SMAP1: variants seen among roughly 807,000 people sequenced by gnomAD.
SMAP1 encodes stromal membrane-associated protein 1.
In SMAP1, 24 loss-of-function variants were observed where a neutral mutation model predicts 58.5. The ratio of observed to expected loss-of-function variants is 0.41; its 90% confidence interval spans 0.30 to 0.58. The LOEUF (loss-of-function observed/expected upper bound fraction) is 0.58, where lower values mean the gene tolerates loss of function less well. Among genes scored for constraint, SMAP1 ranks in the 20% least tolerant of loss-of-function variants. The probability of loss-of-function intolerance (pLI) is 0.29; values close to 1 mark genes in which losing one functional copy is unlikely to be tolerated. For missense variants in SMAP1, 563 were observed against 566.3 expected (o/e 0.99, Z 0.06); for synonymous variants, 216 against 196.6 (o/e 1.10, Z -0.82).
intron 6 of SMAP1, among the ~76,000 whole-genome samples, chr6:70,826,233 A>G (rs1770109844): frequency 1.3e-5 from 2 of 152,202 alleles, no homozygotes; most frequent in South Asian, 4.1e-4. Context: ...TTTTAGAACC[A>G]TTTATAAAGC....
At chr6:70,739,243 A>AT (rs1166684204) in intron 2 of SMAP1, among the ~76,000 whole-genome samples, 1 of 152,140 alleles carries the variant, frequency 6.6e-6, no homozygotes, top group African/African-American at 2.4e-5. Flanking sequence ...TCATGACACT[A>AT]TTTTTTAAGT....
chr6:70,786,066 A>G (rs1443908628), intron 4 of SMAP1, among the ~76,000 whole-genome samples: 1 of 152,256 alleles, frequency 6.6e-6, no homozygotes, highest in Non-Finnish European at 1.5e-5. Flanking sequence ...AAATACTGGC[A>G]AACTGAATCC....
chr6:70,836,539 A>G (rs1267496181), intron 6 of SMAP1, among the ~76,000 whole-genome samples: 1 of 152,234 alleles, frequency 6.6e-6, no homozygotes, highest in Non-Finnish European at 1.5e-5. Context: ...AATTTCATAT[A>G]AAAGATGGGA....
At chr6:70,675,194 T>C (rs1315284539) in intron 1 of SMAP1, among the ~76,000 whole-genome samples, 2 of 122,950 alleles carry the variant, frequency 1.6e-5, no homozygotes, top group African/African-American at 3.1e-5. Context: ...ACAAATTATA[T>C]AGTGTTTTTT....
chr6:70,707,429 A>G (rs528532782), intron 1 of SMAP1, among the ~76,000 whole-genome samples: 1 of 152,258 alleles, frequency 6.6e-6, no homozygotes, highest in African/African-American at 2.4e-5. Flanking sequence ...CCTGAAAGCT[A>G]TTGAGAGCAT....
intron 6 of SMAP1, among the ~76,000 whole-genome samples, chr6:70,829,904 G>T (rs1197178506): frequency 2.6e-5 from 4 of 152,126 alleles, no homozygotes; most frequent in African/African-American, 9.7e-5. Flanking sequence ...TATTTAAAGG[G>T]CTAGGAAATG....
At chr6:70,687,456 T>C (rs1286854968) in intron 1 of SMAP1, among the ~76,000 whole-genome samples, 1 of 152,158 alleles carries the variant, frequency 6.6e-6, no homozygotes, top group East Asian at 1.9e-4. Flanking sequence ...TTTTTCTCAA[T>C]GTAGGGCATT....
At chr6:70,788,042 A>G (rs1366925115) in intron 4 of SMAP1, among the ~76,000 whole-genome samples, 2 of 152,138 alleles carry the variant, frequency 1.3e-5, no homozygotes, top group African/African-American at 4.8e-5. Context: ...AAAGACTTGG[A>G]ACCAACCCAA....
intron 1 of SMAP1, among the ~76,000 whole-genome samples, chr6:70,723,373 T>C (rs9354939): frequency 0.68 from 103,926 of 152,122 alleles, 36,825 homozygotes; most frequent in African/African-American, 0.87. Flanking sequence ...GAAGCCATAT[T>C]GTTCTTCAAG....
chr6:70,795,655 G>A (rs1180588524), intron 5 of SMAP1, among the ~76,000 whole-genome samples: 1 of 152,044 alleles, frequency 6.6e-6, no homozygotes, highest in Non-Finnish European at 1.5e-5. Context: ...TGAATTTTGG[G>A]GTGGACACAA....
At chr6:70,681,744 G>A (rs940042731) in intron 1 of SMAP1, among the ~76,000 whole-genome samples, 7 of 152,296 alleles carry the variant, frequency 4.6e-5, no homozygotes, top group South Asian at 4.1e-4. Context: ...ATGGAAAACA[G>A]TGGTTTAATG....
At chr6:70,817,119 AATAT>A (rs374628204) in intron 6 of SMAP1, among the ~76,000 whole-genome samples, 3 of 146,336 alleles carry the variant, frequency 2.1e-5, no homozygotes, top group South Asian at 2.2e-4. Flanking sequence ...ACTGTATTAG[AATAT>A]ATATATATAT....
At chr6:70,764,881 C>T (rs1025924094) in intron 3 of SMAP1, among the ~76,000 whole-genome samples, 3 of 152,122 alleles carry the variant, frequency 2.0e-5, no homozygotes, top group African/African-American at 7.2e-5. Context: ...TTCACTGCAC[C>T]CCTGACTTTC....
chr6:70,698,986 T>G (rs1582022067), intron 1 of SMAP1, among the ~76,000 whole-genome samples: 1 of 152,168 alleles, frequency 6.6e-6, no homozygotes, highest in Non-Finnish European at 1.5e-5. Flanking sequence ...AAGAGTTAGG[T>G]ATTTATTGTG....
intron 4 of SMAP1, among the ~76,000 whole-genome samples, chr6:70,789,000 T>C (rs1295806335): frequency 6.6e-6 from 1 of 152,084 alleles, no homozygotes; most frequent in African/African-American, 2.4e-5. Context: ...AAGACTCGAG[T>C]ACCTAGCTTT....
At chr6:70,782,138 T>A (rs1767789860) in intron 4 of SMAP1, among the ~76,000 whole-genome samples, 1 of 152,178 alleles carries the variant, frequency 6.6e-6, no homozygotes, top group African/African-American at 2.4e-5. Context: ...TTTTCTAAGG[T>A]CAGAGTCTTA....
At chr6:70,838,038 G>A (rs1770666291) in intron 7 of SMAP1, 1 of 617,520 alleles carries the variant, frequency 1.6e-6, no homozygotes, top group African/African-American at 2.0e-5. Context: ...CTGTAATTTT[G>A]AAAATAAGGC....
chr6:70,674,820 C>T (rs1029207795), intron 1 of SMAP1, among the ~76,000 whole-genome samples: 9 of 152,006 alleles, frequency 5.9e-5, no homozygotes, highest in African/African-American at 2.2e-4. Context: ...ACTAAAAATA[C>T]TAAAATTAGC....
At chr6:70,784,097 T>C (rs1367029671) in intron 4 of SMAP1, among the ~76,000 whole-genome samples, 1 of 152,228 alleles carries the variant, frequency 6.6e-6, no homozygotes, top group South Asian at 2.1e-4. Context: ...GACTAACAGC[T>C]GACCTCTCGG....
Sources: allele counts gnomAD v4.1 joint callset (sites outside exome capture counted in the v4.1 genomes callset), GRCh38; gene constraint gnomAD v4.1.1; transcripts MANE v1.5; gene names NCBI Gene and HGNC (gene_info 2026-07-23, HGNC 2026-07-21).